SOX6: variants seen among roughly 807,000 people sequenced by gnomAD.
SOX6 encodes transcription factor SOX-6.
In SOX6, 11 loss-of-function variants were observed where a neutral mutation model predicts 97.8. That is an observed-to-expected ratio of 0.11 (90% CI 0.07 to 0.19). The LOEUF (loss-of-function observed/expected upper bound fraction) is 0.19. Among genes scored for constraint, SOX6 ranks in the 10% least tolerant of loss-of-function variants. The probability of loss-of-function intolerance (pLI) is 1.00; values close to 1 mark genes in which losing one functional copy is unlikely to be tolerated. For synonymous variants in SOX6, 360 were observed against 371.4 expected, an observed-to-expected ratio of 0.97 and a Z score of 0.35; for missense variants, 810 against 1,039.5, an observed-to-expected ratio of 0.78 and a Z score of 3.04.
chr11:16,347,153 G>C (rs1856794702), intron 1 of SOX6, among the ~76,000 whole-genome samples: 1 of 152,096 alleles, frequency 6.6e-6, no homozygotes, highest in Non-Finnish European at 1.5e-5. Context: ...TGCTGGAAGA[G>C]ACAGGCAGCC....
intron 3 of SOX6, among the ~76,000 whole-genome samples, chr11:16,647,343 G>A (rs1849030189): frequency 6.6e-6 from 1 of 151,892 alleles, no homozygotes. Context: ...TTATTTAATG[G>A]TTACCCTTAA....
chr11:16,453,377 C>T (rs1431384079), intron 1 of SOX6, among the ~76,000 whole-genome samples: 2 of 152,002 alleles, frequency 1.3e-5, no homozygotes, highest in African/African-American at 4.8e-5. Context: ...CTTATAACCC[C>T]TGTGTAGTAC....
intron 6 of SOX6, among the ~76,000 whole-genome samples, chr11:16,182,368 A>G (rs1034984020): frequency 1.3e-5 from 2 of 151,862 alleles, no homozygotes; most frequent in South Asian, 4.1e-4. Context: ...CTAAACGATC[A>G]TGTTATTTAA....
chr11:16,460,307 A>G (rs1859897265), intron 1 of SOX6, among the ~76,000 whole-genome samples: 1 of 151,962 alleles, frequency 6.6e-6, no homozygotes, highest in East Asian at 1.9e-4. Context: ...CCTCTTTTTC[A>G]TGTACATATA....
At chr11:15,979,064 T>TATATATATATATAA (rs1491385664) in intron 15 of SOX6, among the ~76,000 whole-genome samples, 4 of 140,458 alleles carry the variant, frequency 2.8e-5, no homozygotes, top group Non-Finnish European at 4.6e-5. Flanking sequence ...TATATATATA[T>TATATATATATATAA]AAAACTGCTT....
intron 12 of SOX6, among the ~76,000 whole-genome samples, chr11:16,021,720 C>T (rs1057257948): frequency 2.0e-5 from 3 of 151,982 alleles, no homozygotes; most frequent in Admixed American, 1.3e-4. Flanking sequence ...ATTTTTAACA[C>T]CAAAATTGTG....
intron 6 of SOX6, among the ~76,000 whole-genome samples, chr11:16,175,637 T>A (rs536769808): frequency 2.0e-5 from 3 of 151,972 alleles, no homozygotes; most frequent in Non-Finnish European, 4.4e-5. Context: ...TATGTCAGGA[T>A]GCAAGATTTT....
chr11:16,268,309 T>C (rs1188731035), intron 3 of SOX6, among the ~76,000 whole-genome samples: 1 of 151,176 alleles, frequency 6.6e-6, no homozygotes, highest in African/African-American at 2.4e-5. Flanking sequence ...TACATACAAC[T>C]ATAATTTGTC....
chr11:16,736,496 T>C (rs1848392275), intron 1 of SOX6: 1 of 152,250 alleles, frequency 6.6e-6, no homozygotes, highest in South Asian at 2.1e-4. Flanking sequence ...AAAAGACATG[T>C]TGCTAGCTCA....
At position 16,584,948 on chromosome 11, in the gene SOX6, T is replaced by C. The variant is rs72859485; in HGVS notation, n.609+27133A>G. ...ACTCTGTCACTGCATCTTCAGTTAC[T>C]GCTACATCACAAATCTAGCCCTGAG... is the stretch of plus-strand genomic sequence containing the variant. On this transcript the variant is annotated intron_variant and non_coding_transcript_variant, in intron 4 of 5. Coordinates refer to the SOX6 transcript ENST00000524520. Among the ~76,000 whole-genome samples, 1,124 of 152,354 alleles carry C rather than the reference T, an allele frequency of 7.4e-3. 8 individuals are homozygous for C. Among genetic ancestry groups the C allele is most frequent in the Non-Finnish European group, 0.014 (942 of 68,018 alleles).
At chr11:16,010,125 TACACACACAC>T (rs67556517) in intron 13 of SOX6, among the ~76,000 whole-genome samples, 41,120 of 135,470 alleles carry the variant, frequency 0.3, 7,154 homozygotes, top group Non-Finnish European at 0.41. Context: ...CAGTTGGAGC[TACACACACAC>T]ACACACACAC....
At chr11:16,188,365 T>C (rs1485019713) in intron 4 of SOX6, among the ~76,000 whole-genome samples, 2 of 151,392 alleles carry the variant, frequency 1.3e-5, no homozygotes, top group Admixed American at 1.3e-4. Flanking sequence ...AGGAAACAAA[T>C]ACTGTATCAA....
intron 3 of SOX6, among the ~76,000 whole-genome samples, chr11:16,297,953 T>A (rs1407284442): frequency 1.3e-5 from 2 of 152,188 alleles, no homozygotes; most frequent in African/African-American, 4.8e-5. Flanking sequence ...GGTTTCAAAA[T>A]TCTGGAGTCT....
At chr11:16,394,790 A>G (rs1858295596) in intron 1 of SOX6, among the ~76,000 whole-genome samples, 1 of 151,636 alleles carries the variant, frequency 6.6e-6, no homozygotes, top group African/African-American at 2.4e-5. Flanking sequence ...CCATTATAGC[A>G]TTTCCACAAA....
chr11:16,007,062 T>C (rs748155884), intron 13 of SOX6, among the ~76,000 whole-genome samples: 2 of 152,016 alleles, frequency 1.3e-5, no homozygotes, highest in Non-Finnish European at 2.9e-5. Flanking sequence ...AAGAGGAATC[T>C]AGAAGGAGAT....
intron 9 of SOX6, among the ~76,000 whole-genome samples, chr11:16,064,727 A>G (rs1279563128): frequency 6.6e-6 from 1 of 151,952 alleles, no homozygotes; most frequent in Non-Finnish European, 1.5e-5. Flanking sequence ...AAATCAATCA[A>G]TGTGATACAT....
intron 7 of SOX6, among the ~76,000 whole-genome samples, chr11:16,101,012 A>G (rs1214426052): frequency 1.3e-5 from 2 of 151,770 alleles, no homozygotes; most frequent in African/African-American, 2.4e-5. Context: ...AATATGTTAC[A>G]CATCCCTAAC....
intron 1 of SOX6, among the ~76,000 whole-genome samples, chr11:16,384,764 C>T (rs141274283): frequency 0.011 from 1,725 of 151,880 alleles, 19 homozygotes; most frequent in South Asian, 0.016. Context: ...CATTGAACAA[C>T]GGGAAAAAAA....
chr11:16,056,034 A>G, intron 9 of SOX6, 133 bp from the exon 10 acceptor site: 1 of 1,018,706 alleles, frequency 9.8e-7, no homozygotes, highest in Admixed American at 2.3e-5. Flanking sequence ...TTAAAAAAGG[A>G]AGCTAAGAGA....
Sources: gnomAD v4.1 joint callset for allele counts (sites outside exome capture counted in the v4.1 genomes callset) on GRCh38, gnomAD v4.1.1 for gene constraint, MANE v1.5 for transcripts, NCBI Gene and HGNC (gene_info 2026-07-23, HGNC 2026-07-21) for gene names.